CRYL1: variants seen among roughly 807,000 people sequenced by gnomAD.
CRYL1 encodes crystallin lambda 1.
CRYL1 carries 29 observed loss-of-function variants against 36.6 expected under a neutral mutation model. The ratio of observed to expected loss-of-function variants is 0.79; its 90% CI spans 0.59 to 1.08. The LOEUF (loss-of-function observed/expected upper bound fraction) is 1.08. Among genes scored for constraint, CRYL1 ranks in the 50% least tolerant of loss-of-function variants. CRYL1 has a pLI of 0.00. For synonymous variants in CRYL1, 152 were observed against 151.5 expected, an observed-to-expected ratio of 1.00 and a Z score of -0.02; for missense variants, 411 against 407.9, an observed-to-expected ratio of 1.01 and a Z score of -0.06.
rs146958392 is a variant in CRYL1 at position 20,415,435 on chromosome 13, G to A, written c.634-2048C>T. 6.6e-6 allele frequency among the ~76,000 whole-genome samples: 1 copy of A among 152,292 alleles called. No individual in the cohort carries two copies. The highest frequency in any genetic ancestry group is 1.9e-4 in the East Asian group (1 of 5,162). ...GTGCCTCAGGTCCGTGTGCTGGCTTGGACACCGCCCTGCGTCTGCAGAGAG... is the reference window on the plus strand; with the variant it reads ...GTGCCTCAGGTCCGTGTGCTGGCTTAGACACCGCCCTGCGTCTGCAGAGAG... On this transcript the variant is annotated intron_variant, in intron 5 of 7. Coordinates refer to ENST00000298248, the MANE Select transcript of CRYL1 (RefSeq NM_015974.3). The surrounding 1 kb of genome is among the most constrained non-coding windows in gnomAD (Gnocchi z 4.1).
At position 20,404,617 on chromosome 13, in the gene CRYL1, T is replaced by C; in HGVS notation, c.846+18A>G. On this transcript the variant is annotated intron_variant, in intron 7 of 7. Coordinates refer to ENST00000298248, the MANE Select transcript of CRYL1 (RefSeq NM_015974.3). ...GCCAACATGCTTCTCTGCAGTGAGT[T>C]GCAGAGAAGTTACATACCTGGTTAA... 1 of 1,531,264 alleles carries C rather than the reference T, an allele frequency of 6.5e-7. No homozygotes were observed. The highest frequency in any genetic ancestry group is 9.1e-7 in the Non-Finnish European group (1 of 1,104,860). 94.9% of individuals were successfully genotyped at this position (1,531,264 alleles called of 1,614,324 possible).
At chr13:20,478,014 C>G (rs2033201658) in intron 3 of CRYL1, among the ~76,000 whole-genome samples, 2 of 148,710 alleles carry the variant, frequency 1.3e-5, no homozygotes, top group East Asian at 3.9e-4. Flanking sequence ...TGGGCAGGCT[C>G]CATGGTGTAT....
intron 3 of CRYL1, among the ~76,000 whole-genome samples, chr13:20,461,958 G>GCC (rs2032828939): frequency 7.0e-6 from 1 of 142,594 alleles, no homozygotes. Context: ...GTGGGAGGAG[G>GCC]AGGTGGGAGG....
At position 20,525,836 on chromosome 13, in the gene CRYL1, C is replaced by T. The variant is rs2034183513; in HGVS notation, c.-42G>A. ...CGGCGCCGCGGGCGCTGGGACCAGGCGCCGGCGGAGCTGCGAGCTCTGGGC... is the reference window on the plus strand; with the variant it reads ...CGGCGCCGCGGGCGCTGGGACCAGGTGCCGGCGGAGCTGCGAGCTCTGGGC... On this transcript the variant is annotated 5_prime_UTR_variant, in exon 1 of 8. Coordinates refer to ENST00000298248, the MANE Select transcript of CRYL1 (RefSeq NM_015974.3). This position sits in a 1 kb window ranked among gnomAD's most constrained non-coding sequence, Gnocchi z 4.3. 1.6e-6 allele frequency: 2 copies of T among 1,215,810 alleles called. No individual in the cohort carries two copies. Among genetic ancestry groups the T allele is most frequent in the Non-Finnish European group, 2.0e-6 (2 of 976,420 alleles). 75.3% of individuals were successfully genotyped at this position (1,215,810 alleles called of 1,614,324 possible).
Position 20,404,752 on chromosome 13 carries a change from A to G in CRYL1, c.740-11T>C, listed in dbSNP as rs1488869676. 7 of 1,549,118 alleles carry G rather than the reference A, an allele frequency of 4.5e-6. No individual in the cohort carries two copies. Among genetic ancestry groups the G allele is most frequent in the East Asian group, 2.2e-5 (1 of 44,614 alleles). Reference sequence around the variant, plus strand: ...AGTAGCTTAACATACCTGGAATTGTATGAAGACAAGAATCCACAATCTCAG... The same window carrying G: ...AGTAGCTTAACATACCTGGAATTGTGTGAAGACAAGAATCCACAATCTCAG... On this transcript the variant is annotated splice_polypyrimidine_tract_variant and intron_variant, in intron 6 of 7. Transcript: ENST00000298248.
intron 4 of CRYL1, among the ~76,000 whole-genome samples, chr13:20,436,510 A>G (rs2032221255): frequency 6.6e-6 from 1 of 152,130 alleles, no homozygotes; most frequent in Admixed American, 6.5e-5. Context: ...CGAGGAGTTG[A>G]GGAAACAGCA....
At chr13:20,459,870 T>A (rs2032771949) in intron 3 of CRYL1, among the ~76,000 whole-genome samples, 2 of 152,118 alleles carry the variant, frequency 1.3e-5, no homozygotes, top group Non-Finnish European at 2.9e-5. Context: ...AAAGAAAGAA[T>A]AAAAATACCG....
In CRYL1 at chr13:20,481,755, A is replaced by G. The variant is rs1238868586; in HGVS notation, c.276+7615T>C. ...ATGAAACCCCGTCTCTACTAAAAATACAAAACTTAGCCCGGCATGGTGGTG... is the reference window on the plus strand; with the variant it reads ...ATGAAACCCCGTCTCTACTAAAAATGCAAAACTTAGCCCGGCATGGTGGTG... On this transcript the variant is annotated intron_variant, in intron 3 of 7. Transcript: ENST00000298248. The surrounding 1 kb of genome is among the most constrained non-coding windows in gnomAD (Gnocchi z 4.1). Among the ~76,000 whole-genome samples, 3 of 152,114 alleles carry G rather than the reference A, an allele frequency of 2.0e-5. No individual in the cohort carries two copies. The highest frequency in any genetic ancestry group is 4.8e-5 in the African/African-American group (2 of 41,412).
At chr13:20,508,848 CAAAAAAAA>C (rs1179533995) in intron 2 of CRYL1, among the ~76,000 whole-genome samples, 1 of 10,448 alleles carries the variant, frequency 9.6e-5, no homozygotes, top group African/African-American at 3.2e-4. Flanking sequence ...AGCGAGACTC[CAAAAAAAA>C]AAAAAAAAAA....
intron 5 of CRYL1, among the ~76,000 whole-genome samples, chr13:20,421,065 C>CA (rs66714729): frequency 4.2e-4 from 63 of 151,234 alleles, no homozygotes; most frequent in Middle Eastern, 6.8e-3. Context: ...AACAAACAAA[C>CA]AAAAAAAAAA....
At chr13:20,455,288 A>G (rs1358525007) in intron 3 of CRYL1, among the ~76,000 whole-genome samples, 4 of 152,228 alleles carry the variant, frequency 2.6e-5, no homozygotes, top group Admixed American at 6.5e-5. Context: ...AGGCCTACAT[A>G]AAGTGGAGAG....
At chr13:20,445,648 G>A (rs2032436507) in intron 3 of CRYL1, among the ~76,000 whole-genome samples, 1 of 152,096 alleles carries the variant, frequency 6.6e-6, no homozygotes, top group South Asian at 2.1e-4. Flanking sequence ...AGAGAAAACA[G>A]ACTTTAGAAA....
chr13:20,451,675 A>G (rs568167630), intron 3 of CRYL1, among the ~76,000 whole-genome samples: 2 of 152,370 alleles, frequency 1.3e-5, no homozygotes, highest in Admixed American at 6.5e-5. Flanking sequence ...ATGCTCATAC[A>G]CTGTTGGTAG....
chr13:20,419,725 A>G (rs1160881513), intron 5 of CRYL1, among the ~76,000 whole-genome samples: 1 of 152,202 alleles, frequency 6.6e-6, no homozygotes, highest in Non-Finnish European at 1.5e-5. Context: ...GATTAAGTTT[A>G]TATTGAGAAC....
At chr13:20,477,774 A>G (rs914589438) in intron 3 of CRYL1, among the ~76,000 whole-genome samples, 1 of 146,148 alleles carries the variant, frequency 6.8e-6, no homozygotes, top group African/African-American at 2.5e-5. Context: ...ATATAATTGT[A>G]TAATAGATAA....
At chr13:20,518,217 G>T (rs958587218) in intron 1 of CRYL1, among the ~76,000 whole-genome samples, 2 of 152,114 alleles carry the variant, frequency 1.3e-5, no homozygotes, top group South Asian at 2.1e-4. Context: ...TGACCCCAAG[G>T]AGCTCATAGT....
chr13:20,430,949 C>T (rs2032045033), intron 5 of CRYL1: 1 of 985,306 alleles, frequency 1.0e-6, no homozygotes, highest in Admixed American at 6.1e-5. Flanking sequence ...CAAACCGCCG[C>T]CCTAACAGTG....
chr13:20,452,230 A>C (rs545649861), intron 3 of CRYL1, among the ~76,000 whole-genome samples: 1 of 126,644 alleles, frequency 7.9e-6, no homozygotes, highest in African/African-American at 2.9e-5. Flanking sequence ...GAGGCAGACC[A>C]TCAGACCGAA....
rs749245735 is a variant in CRYL1, at chr13:20,432,094, A to T, written c.633+8T>A. On this transcript the variant is annotated splice_region_variant and intron_variant, in intron 5 of 7. Transcript: ENST00000298248. The stretch of plus-strand genomic sequence containing the variant: ...AGGGAGGGAGGGAGAGAGGACGGGC[A>T]CACACACCTCCACTAGCCGCCAGGC... 3.3e-5 allele frequency: 53 copies of T among 1,613,910 alleles called. No homozygotes were observed. Among genetic ancestry groups the T allele is most frequent in the Non-Finnish European group, 4.2e-5 (49 of 1,180,012 alleles).
Sources: allele counts gnomAD v4.1 joint callset (sites outside exome capture counted in the v4.1 genomes callset), GRCh38; gene constraint gnomAD v4.1.1; non-coding constraint Gnocchi (gnomAD v3.1); transcripts MANE v1.5; gene names NCBI Gene and HGNC (gene_info 2026-07-23, HGNC 2026-07-21).